The following PPIH variants were observed in gnomAD, a reference collection of about 807,000 sequenced individuals.
PPIH encodes the protein peptidylprolyl isomerase H, also known as peptidyl-prolyl cis-trans isomerase H.
Under a neutral mutation model 27.6 loss-of-function variants are expected in PPIH, and 16 were observed. The ratio of observed to expected loss-of-function variants is 0.58; its 90% CI spans 0.39 to 0.88. PPIH has a LOEUF of 0.88. Ranked by LOEUF, PPIH falls within the 40% of genes least tolerant of loss-of-function variation. The pLI, the probability that PPIH is intolerant of heterozygous loss-of-function variation, is 0.00. For missense variants in PPIH, 155 were observed against 224.1 expected (o/e 0.69, Z 1.97); for synonymous variants, 63 against 76.1 (o/e 0.83, Z 0.90).
At chr1:42,672,278 G>A (rs556169183) in intron 9 of PPIH, among the ~76,000 whole-genome samples, 7 of 152,298 alleles carry the variant, frequency 4.6e-5, no homozygotes, top group Non-Finnish European at 8.8e-5. Flanking sequence ...TGGGGACTGA[G>A]ATTTTGCATT....
intron 9 of PPIH, among the ~76,000 whole-genome samples, chr1:42,669,439 G>A (rs909964034): frequency 2.6e-5 from 4 of 152,074 alleles, no homozygotes; most frequent in Non-Finnish European, 5.9e-5. Context: ...AGGACTACAG[G>A]TGCATGCCAC....
At chr1:42,672,193 T>C (rs1649673875) in intron 9 of PPIH, among the ~76,000 whole-genome samples, 1 of 152,154 alleles carries the variant, frequency 6.6e-6, no homozygotes, top group African/African-American at 2.4e-5. Flanking sequence ...GGGCAGTATT[T>C]CTTATACTTT....
At position 42,666,081 on chromosome 1, in the gene PPIH, C is replaced by A; in HGVS notation, c.424+14C>A. ...ATGTGGTGTTTGGTAAGTCCTACTC[C>A]TGTCTCATGGTCCAGGCCCCATTCA... On this transcript the variant is annotated intron_variant, in intron 7 of 9. Coordinates refer to ENST00000304979, the MANE Select transcript of PPIH (RefSeq NM_006347.4). 1 of 1,611,732 alleles carries A rather than the reference C, an allele frequency of 6.2e-7. No individual in the cohort carries two copies. Among genetic ancestry groups the A allele is most frequent in the Non-Finnish European group, 8.5e-7 (1 of 1,177,862 alleles).
chr1:42,664,558 T>C (rs1447775915), intron 5 of PPIH, among the ~76,000 whole-genome samples: 1 of 152,190 alleles, frequency 6.6e-6, no homozygotes, highest in African/African-American at 2.4e-5. Context: ...AAGGATTGAG[T>C]ATGTGATCAC....
chr1:42,669,672 G>A (rs539809039), intron 9 of PPIH, among the ~76,000 whole-genome samples: 74 of 152,314 alleles, frequency 4.9e-4, no homozygotes, highest in African/African-American at 1.6e-3. Context: ...TGTTGCTTAA[G>A]TTTGGTGATA....
At chr1:42,670,608 G>A (rs112097053) in intron 9 of PPIH, among the ~76,000 whole-genome samples, 182 of 151,736 alleles carry the variant, frequency 1.2e-3, no homozygotes, top group Non-Finnish European at 2.2e-3. Context: ...CAAGCAGAAC[G>A]CATTCCTCAG....
At chr1:42,667,539 C>T in intron 9 of PPIH, 99 bp downstream of exon 9, 1 of 957,440 alleles carries the variant, frequency 1.0e-6, no homozygotes, top group Non-Finnish European at 1.6e-6. Flanking sequence ...TGAGATTGAG[C>T]CCAGTTCCTC....
At chr1:42,664,217 A>T (rs980117744) in intron 5 of PPIH, among the ~76,000 whole-genome samples, 2 of 152,230 alleles carry the variant, frequency 1.3e-5, no homozygotes, top group Non-Finnish European at 2.9e-5. Flanking sequence ...AGTGCTCGCT[A>T]CACATCTGTG....
In PPIH at chr1:42,674,106, G is replaced by A. The variant is rs6665205; in HGVS notation, c.*22-2478G>A. 3.4e-3 allele frequency among the ~76,000 whole-genome samples: 525 copies of A among 152,322 alleles called. 3 individuals carry two copies. The highest frequency in any genetic ancestry group is 0.012 in the African/African-American group (511 of 41,574). On this transcript the variant is annotated intron_variant, in intron 9 of 9. Transcript: ENST00000304979. ...TGAAAAGTCAGTTCCATCCTTCAAG[G>A]AACTCAGTCTCTTGGGAGAACTGAC...
chr1:42,672,621 G>T (rs1649696292), intron 9 of PPIH, among the ~76,000 whole-genome samples: 1 of 151,826 alleles, frequency 6.6e-6, no homozygotes. Flanking sequence ...TCTGACTTTG[G>T]TTTTAGTGAA....
intron 3 of PPIH, 129 bp from the exon 4 acceptor site, chr1:42,659,393 C>CT: frequency 1.2e-6 from 2 of 1,614,146 alleles, no homozygotes; most frequent in South Asian, 2.2e-5. Flanking sequence ...GGGTCTGTCC[C>CT]TAGTTTATTT....
intron 5 of PPIH, among the ~76,000 whole-genome samples, chr1:42,662,017 C>T (rs958340419): frequency 6.6e-6 from 1 of 152,188 alleles, no homozygotes; most frequent in Non-Finnish European, 1.5e-5. Context: ...ATTTACGTTG[C>T]CTGCTCCTGT....
chr1:42,673,130 G>A (rs1474836140), intron 9 of PPIH, among the ~76,000 whole-genome samples: 1 of 151,894 alleles, frequency 6.6e-6, no homozygotes, highest in African/African-American at 2.4e-5. Context: ...TAGTAGGTGG[G>A]ATTATAGGCG....
chr1:42,671,529 A>G (rs927187512), intron 9 of PPIH, among the ~76,000 whole-genome samples: 13 of 152,210 alleles, frequency 8.5e-5, no homozygotes, highest in African/African-American at 2.2e-4. Flanking sequence ...AAGCTTCTCA[A>G]TCTACTCGCC....
chr1:42,660,938 A>G, intron 5 of PPIH, 34 bp downstream of exon 5: 1 of 1,584,208 alleles, frequency 6.3e-7, no homozygotes. Context: ...AAAGACCCGT[A>G]GTTTTAGTTT....
downstream of PPIH, among the ~76,000 whole-genome samples, chr1:42,679,786 A>G (rs12145783): frequency 0.1 from 15,219 of 152,244 alleles, 1,044 homozygotes; most frequent in East Asian, 0.29. Context: ...CCTTTTGGGG[A>G]AACATTTTAA....
chr1:42,668,168 TTTTG>T lies in PPIH; in HGVS notation c.*21+732_*21+735del, dbSNP rs1398006730. 3.9e-4 allele frequency among the ~76,000 whole-genome samples: 59 copies of T among 152,188 alleles called. 1 individual carries two copies. Among genetic ancestry groups the T allele is most frequent in the Non-Finnish European group, 4.3e-4 (29 of 67,986 alleles). ...TCCAGCCAGGTGAGGGGTAGTGATG[TTTTG>T]TTTTTCTTTTTTTTTTATTTTCAAA... On this transcript the variant is annotated intron_variant, in intron 9 of 9. Coordinates refer to ENST00000304979, the MANE Select transcript of PPIH (RefSeq NM_006347.4).
intron 1 of PPIH, 42 bp downstream of exon 1, chr1:42,658,554 C>T: frequency 6.3e-7 from 1 of 1,581,678 alleles, no homozygotes; most frequent in Non-Finnish European, 8.7e-7. Flanking sequence ...CGAAGGGAAA[C>T]TGCTCGGGGC....
chr1:42,677,779 C>G (rs994410088), downstream of PPIH, among the ~76,000 whole-genome samples: 1 of 152,120 alleles, frequency 6.6e-6, no homozygotes, highest in Admixed American at 6.5e-5. Context: ...GAGTTATGAT[C>G]GTGCCACTAC....
Sources: allele counts gnomAD v4.1 joint callset (sites outside exome capture counted in the v4.1 genomes callset), GRCh38; gene constraint gnomAD v4.1.1; transcripts MANE v1.5; gene names NCBI Gene and HGNC (gene_info 2026-07-23, HGNC 2026-07-21).